SPIDR: variants seen among roughly 807,000 people sequenced by gnomAD.
SPIDR encodes the protein DNA repair-scaffolding protein.
SPIDR carries 93 observed loss-of-function variants against 104.6 expected under a neutral mutation model. The ratio of observed to expected loss-of-function variants is 0.89; its 90% CI spans 0.75 to 1.06. The LOEUF (loss-of-function observed/expected upper bound fraction) is 1.06. Ranked by LOEUF, SPIDR falls within the 50% of genes least tolerant of loss-of-function variation. The pLI is 0.00. For synonymous variants in SPIDR, 431 were observed against 416.9 expected (o/e 1.03, Z -0.41); for missense variants, 1,154 against 1,111.2 (o/e 1.04, Z -0.55).
rs997120732 is a variant in SPIDR, at chr8:47,620,753, G to C, written c.1544+21557G>C. On this transcript the variant is annotated intron_variant, in intron 10 of 19. Coordinates refer to ENST00000297423, the MANE Select transcript of SPIDR (RefSeq NM_001080394.4). ...CTGCCTCAGCCTCCCGTGTAGCTGG[G>C]ACTACAGGCACACATCACCACGCCC... 1.1e-4 allele frequency among the ~76,000 whole-genome samples: 16 copies of C among 150,412 alleles called. No homozygotes were observed. The Admixed American group carries it at 1.1e-3, about 10-fold the overall frequency.
rs575372572 is a variant in SPIDR at position 47,495,081 on chromosome 8, A to G, written c.1097+54539A>G. On this transcript the variant is annotated intron_variant, in intron 8 of 19. Coordinates refer to ENST00000297423, the MANE Select transcript of SPIDR (RefSeq NM_001080394.4). ...TTGTAAAGTTACTGTTTGGAAACTTATCTTGTTATCTTGTATGTGTATTGC... is the reference window on the plus strand; with the variant it reads ...TTGTAAAGTTACTGTTTGGAAACTTGTCTTGTTATCTTGTATGTGTATTGC... 3.3e-5 allele frequency among the ~76,000 whole-genome samples: 5 copies of G among 152,242 alleles called. No individual in the cohort carries two copies. The South Asian group carries it at 8.3e-4, about 25-fold the overall frequency.
intron 10 of SPIDR, among the ~76,000 whole-genome samples, chr8:47,648,877 T>A (rs1268977896): frequency 6.6e-6 from 1 of 152,042 alleles, no homozygotes; most frequent in Admixed American, 6.6e-5. Context: ...AAATGAAAAA[T>A]AATTTAAGAA....
At chr8:47,514,055 G>A (rs1277776611) in intron 8 of SPIDR, among the ~76,000 whole-genome samples, 1 of 152,104 alleles carries the variant, frequency 6.6e-6, no homozygotes, top group Non-Finnish European at 1.5e-5. Flanking sequence ...AAGGTCCATG[G>A]CATTGCACCT....
chr8:47,292,352 C>A (rs2040065365), intron 4 of SPIDR, among the ~76,000 whole-genome samples: 3 of 151,894 alleles, frequency 2.0e-5, no homozygotes, highest in Non-Finnish European at 2.9e-5. Context: ...TAGTAGTTAC[C>A]AGGTGAAGTG....
At chr8:47,392,719 G>C (rs1027755143) in intron 5 of SPIDR, among the ~76,000 whole-genome samples, 3 of 152,148 alleles carry the variant, frequency 2.0e-5, no homozygotes, top group African/African-American at 7.2e-5. Flanking sequence ...AAGCATCGTC[G>C]TACCAGGTTG....
chr8:47,565,381 T>G (rs1215220235), intron 8 of SPIDR, among the ~76,000 whole-genome samples: 1 of 152,258 alleles, frequency 6.6e-6, no homozygotes, highest in African/African-American at 2.4e-5. Context: ...CACTGAGTTC[T>G]AAAGTATATC....
In SPIDR at chr8:47,260,992, G is replaced by A. The variant is rs1585935676; in HGVS notation, c.33+1G>A. ...CGGCAGCCGCGCTCGGGGCTCTAAG[G>A]TAGGCTCTGGGGCGGGAGTGGGCGC... On this transcript the variant is annotated splice_donor_variant, in intron 1 of 19. Coordinates refer to ENST00000297423, the MANE Select transcript of SPIDR (RefSeq NM_001080394.4). LOFTEE classifies it high-confidence loss of function. The A allele has an allele frequency of 5.7e-6, 7 of 1,229,720 alleles. No homozygotes were observed. In the East Asian group the frequency reaches 1.9e-4, roughly 34 times the overall value. 76.2% of individuals were successfully genotyped at this position (1,229,720 alleles called of 1,614,324 possible).
chr8:47,404,646 A>G (rs952254487), intron 6 of SPIDR, among the ~76,000 whole-genome samples: 10 of 152,194 alleles, frequency 6.6e-5, no homozygotes, highest in Admixed American at 2.0e-4. Context: ...CAAAACCACA[A>G]TGAGATACCA....
chr8:47,386,610 C>T (rs2059934108), intron 5 of SPIDR, among the ~76,000 whole-genome samples: 1 of 152,060 alleles, frequency 6.6e-6, no homozygotes, highest in Non-Finnish European at 1.5e-5. Context: ...AAGTGTCATC[C>T]CTCATGTGTT....
At chr8:47,675,226 G>C (rs921330902) in intron 11 of SPIDR, among the ~76,000 whole-genome samples, 7 of 152,102 alleles carry the variant, frequency 4.6e-5, no homozygotes, top group South Asian at 4.1e-4. Context: ...AGTAGAGACA[G>C]GGTTTCACCA....
chr8:47,681,781 G>T (rs930293257), intron 11 of SPIDR, among the ~76,000 whole-genome samples: 2 of 152,084 alleles, frequency 1.3e-5, no homozygotes, highest in African/African-American at 4.8e-5. Flanking sequence ...TTGATAATGT[G>T]TATTTTGCAT....
intron 10 of SPIDR, among the ~76,000 whole-genome samples, chr8:47,625,992 A>G (rs1269592502): frequency 6.6e-5 from 10 of 152,084 alleles, no homozygotes; most frequent in Non-Finnish European, 1.5e-4. Context: ...AAACTATACT[A>G]CAAGGCTACA....
chr8:47,298,186 A>C, intron 5 of SPIDR, among the ~76,000 whole-genome samples: 1 of 152,028 alleles, frequency 6.6e-6, no homozygotes, highest in Admixed American at 6.6e-5. Flanking sequence ...CGTGGTTTTG[A>C]TTTGCATTTC....
chr8:47,520,665 A>G (rs1233837393), intron 8 of SPIDR, among the ~76,000 whole-genome samples: 2 of 152,188 alleles, frequency 1.3e-5, no homozygotes, highest in Non-Finnish European at 2.9e-5. Context: ...TTCATCCTTA[A>G]CACAAATGGA....
chr8:47,701,758 T>G lies in SPIDR; in HGVS notation c.1811T>G (p.Ile604Ser). 6.2e-7 allele frequency: 1 copy of G among 1,614,116 alleles called. No homozygotes were observed. The highest frequency in any genetic ancestry group is 8.5e-7 in the Non-Finnish European group (1 of 1,180,000). Residue 604 changes from isoleucine to serine, a missense_variant, in exon 13 of 20, where the codon ATC (isoleucine) becomes AGC (serine). Transcript: ENST00000297423. Reference protein sequence around the residue: ...THLPPPALCYILTAHPNLGQI... With the variant: ...THLPPPALCYSLTAHPNLGQI... The stretch of plus-strand genomic sequence containing the variant: ...CTGCCTCCTCCAGCCTTGTGTTACA[T>G]CCTCACAGCTCATCCAAATCTGGGA...
chr8:47,528,669 G>A (rs373799406), intron 8 of SPIDR, among the ~76,000 whole-genome samples: 51 of 152,076 alleles, frequency 3.4e-4, no homozygotes, highest in African/African-American at 1.2e-3. Context: ...GAATGCCTTC[G>A]ATGGGCTCAT....
At chr8:47,684,126 CAAAA>C (rs748328609) in intron 11 of SPIDR, among the ~76,000 whole-genome samples, 230 of 38,110 alleles carry the variant, frequency 6.0e-3, no homozygotes, top group African/African-American at 0.023. Flanking sequence ...GACTCTGTCT[CAAAA>C]AAAAAAAAAA....
intron 10 of SPIDR, among the ~76,000 whole-genome samples, chr8:47,647,669 G>GGAGAGA (rs2070772669): frequency 1.2e-3 from 98 of 78,540 alleles, no homozygotes; most frequent in East Asian, 2.9e-3. Flanking sequence ...AGAGAGAGAG[G>GGAGAGA]GAGAGAGGGA....
chr8:47,719,940 A>G (rs2083160215), intron 16 of SPIDR, among the ~76,000 whole-genome samples: 1 of 152,202 alleles, frequency 6.6e-6, no homozygotes, highest in South Asian at 2.1e-4. Flanking sequence ...GTATAATACC[A>G]TGTACTACCG....
Sources: gnomAD v4.1 joint callset for allele counts (sites outside exome capture counted in the v4.1 genomes callset) on GRCh38, gnomAD v4.1.1 for gene constraint, MANE v1.5 for transcripts, NCBI Gene and HGNC (gene_info 2026-07-23, HGNC 2026-07-21) for gene names.